Variants in DIP2C observed in about 807,000 individuals in gnomAD.
DIP2C encodes DIP2 acetate--CoA ligase C (putative).
DIP2C carries 33 observed loss-of-function variants against 192.4 expected under a neutral mutation model. The observed-to-expected ratio is 0.17, with a 90% CI of 0.13 to 0.23. DIP2C has a LOEUF of 0.23. DIP2C is among the 10% of genes least tolerant of loss of function. The pLI is 1.00. For missense variants in DIP2C, 1,537 were observed against 2,110.1 expected, an observed-to-expected ratio of 0.73 and a Z score of 5.32; for synonymous variants, 979 against 864.1, an observed-to-expected ratio of 1.13 and a Z score of -2.33.
chr10:321,665 TCAGTCGGGGGTGCGGGGCTCCGGC>T (rs1419918022), intron 31 of DIP2C, among the ~76,000 whole-genome samples: 20 of 56,312 alleles, frequency 3.6e-4, no homozygotes, highest in East Asian at 2.6e-3. Context: ...GTTAGAACAG[TCAGTCGGGGGTGCGGGGCTCCGGC>T]GAGAGACCGG....
intron 17 of DIP2C, among the ~76,000 whole-genome samples, chr10:373,833 T>C (rs557445497): frequency 6.6e-6 from 1 of 152,338 alleles, no homozygotes; most frequent in Admixed American, 6.5e-5. Context: ...TGTAAGATCA[T>C]GCGCTTGCCC....
At chr10:681,226 C>T (rs1352260488) in intron 1 of DIP2C, among the ~76,000 whole-genome samples, 2 of 150,138 alleles carry the variant, frequency 1.3e-5, no homozygotes, top group Non-Finnish European at 1.5e-5. Context: ...TCTATGGCCA[C>T]GGATATTGGG....
rs759272021 is a variant in DIP2C, at chr10:662,935, G to T, written c.85+26559C>A. ...TCGGGAGAGGTGGATGTACGCTAAT[G>T]GTTCTCAGCTCCGACCTCTGTGATT... On this transcript the variant is annotated intron_variant, in intron 1 of 36. Coordinates refer to ENST00000280886, the MANE Select transcript of DIP2C (RefSeq NM_014974.3). 3.1e-5 allele frequency: 22 copies of T among 717,460 alleles called. No individual in the cohort carries two copies. In the African/African-American group the frequency reaches 3.7e-4, roughly 12 times the overall value. 44.4% of individuals were successfully genotyped at this position (717,460 alleles called of 1,614,324 possible). A position where few individuals can be genotyped will look rare whatever the true frequency, so the allele number is the denominator to read the frequency against.
chr10:476,105 G>A (rs1048287130), intron 2 of DIP2C, among the ~76,000 whole-genome samples: 2 of 152,218 alleles, frequency 1.3e-5, no homozygotes, highest in African/African-American at 4.8e-5. Flanking sequence ...GTGGTCAGGG[G>A]AGAGAGGCCG....
intron 7 of DIP2C, 69 bp downstream of exon 7, chr10:415,699 GA>G (rs1457864160): frequency 4.4e-6 from 7 of 1,576,914 alleles, no homozygotes; most frequent in South Asian, 3.5e-5. Context: ...TAGCCTTGCA[GA>G]AAAAAATATC....
intron 1 of DIP2C, among the ~76,000 whole-genome samples, chr10:654,460 T>C (rs1019016874): frequency 1.3e-5 from 2 of 152,210 alleles, no homozygotes; most frequent in South Asian, 2.1e-4. Flanking sequence ...ACAGTATTTA[T>C]AGCGTGGAGG....
chr10:551,511 G>T (rs1376746919), intron 1 of DIP2C, among the ~76,000 whole-genome samples: 1 of 80,528 alleles, frequency 1.2e-5, no homozygotes, highest in African/African-American at 3.1e-4. Flanking sequence ...AGCCCTTCCT[G>T]GCTCAAGAGG....
chr10:350,470 G>A (rs920393592), intron 24 of DIP2C, among the ~76,000 whole-genome samples: 9 of 152,052 alleles, frequency 5.9e-5, no homozygotes, highest in Middle Eastern at 3.4e-3. Context: ...ATGTGAAGAC[G>A]GCTTCTACAG....
intron 3 of DIP2C, among the ~76,000 whole-genome samples, chr10:447,294 C>A (rs372969542): frequency 6.7e-6 from 1 of 149,840 alleles, no homozygotes; most frequent in African/African-American, 2.5e-5. Context: ...GGATCACACA[C>A]AGTGGGGCAG....
chr10:393,156 A>C (rs1963634351), intron 10 of DIP2C, among the ~76,000 whole-genome samples: 1 of 152,210 alleles, frequency 6.6e-6, no homozygotes, highest in Admixed American at 6.5e-5. Context: ...ATCTCAGGAA[A>C]GTGAATAAAA....
At chr10:577,326 G>A (rs1314244583) in intron 1 of DIP2C, among the ~76,000 whole-genome samples, 2 of 152,190 alleles carry the variant, frequency 1.3e-5, no homozygotes, top group East Asian at 1.9e-4. Flanking sequence ...GGAAGAAGAA[G>A]TATCGGTACT....
intron 1 of DIP2C, among the ~76,000 whole-genome samples, chr10:612,291 C>CA (rs138521910): frequency 0.023 from 3,324 of 141,588 alleles, 76 homozygotes; most frequent in African/African-American, 0.061. Flanking sequence ...GACTCCGTCT[C>CA]AAAAAAAAAA....
At chr10:479,491 G>A (rs1414442499) in intron 2 of DIP2C, among the ~76,000 whole-genome samples, 1 of 151,938 alleles carries the variant, frequency 6.6e-6, no homozygotes, top group African/African-American at 2.4e-5. Context: ...CCATCACGAT[G>A]CCTGGCTAAT....
chr10:546,300 AAATTT>A (rs1257763743), intron 1 of DIP2C, among the ~76,000 whole-genome samples: 5 of 151,692 alleles, frequency 3.3e-5, no homozygotes, highest in Admixed American at 6.6e-5. Context: ...AAAAAGTAAC[AAATTT>A]ATTTTAAAAT....
In DIP2C at chr10:275,199, A is replaced by G. The variant is rs1954450939; in HGVS notation, c.*2126T>C. On this transcript the variant is annotated 3_prime_UTR_variant, in exon 37 of 37. Coordinates refer to ENST00000280886, the MANE Select transcript of DIP2C (RefSeq NM_014974.3). ...GCTGGACCTCAAAGCTGTCCTGCAC[A>G]CTGCAGCTAATGTTTCATAGTCAGT... 1 of 152,226 alleles carries G rather than the reference A, an allele frequency of 6.6e-6. No individual in the cohort carries two copies. The highest frequency in any genetic ancestry group is 1.5e-5 in the Non-Finnish European group (1 of 68,046). The allele number at this position is 152,226 out of a possible 1,614,324, so 9.4% of individuals were successfully genotyped here. A position where few individuals can be genotyped will look rare whatever the true frequency, so the allele number is the denominator to read the frequency against.
chr10:586,759 C>T (rs1277980975), intron 1 of DIP2C, among the ~76,000 whole-genome samples: 1 of 152,226 alleles, frequency 6.6e-6, no homozygotes, highest in Non-Finnish European at 1.5e-5. Context: ...GTCCAGGGAA[C>T]GTTCTGGATC....
chr10:302,849 T>C (rs1420671644), intron 32 of DIP2C, among the ~76,000 whole-genome samples: 5 of 152,200 alleles, frequency 3.3e-5, no homozygotes, highest in Admixed American at 1.3e-4. Flanking sequence ...GACGGGAAGC[T>C]GCTCTGGGTG....
At chr10:537,218 C>G (rs1165124966) in intron 1 of DIP2C, among the ~76,000 whole-genome samples, 1 of 152,040 alleles carries the variant, frequency 6.6e-6, no homozygotes, top group African/African-American at 2.4e-5. Context: ...CCTCACCACA[C>G]AGAGGCAAGG....
intron 32 of DIP2C, among the ~76,000 whole-genome samples, chr10:290,675 G>C (rs538553832): frequency 1.3e-5 from 2 of 152,176 alleles, no homozygotes; most frequent in African/African-American, 4.8e-5. Flanking sequence ...CCGGGGCAGC[G>C]GTGAGAAAGG....
Sources: gnomAD v4.1 joint callset for allele counts (sites outside exome capture counted in the v4.1 genomes callset) on GRCh38, gnomAD v4.1.1 for gene constraint, MANE v1.5 for transcripts, NCBI Gene and HGNC (gene_info 2026-07-23, HGNC 2026-07-21) for gene names.